AMBRA1: variants seen among roughly 807,000 people sequenced by gnomAD.
The protein encoded by AMBRA1 is activating molecule in BECN1-regulated autophagy protein 1.
Under a neutral mutation model 125.4 loss-of-function variants are expected in AMBRA1, and 47 were observed. That is an observed-to-expected ratio of 0.37 (90% confidence interval 0.30 to 0.48). The LOEUF (loss-of-function observed/expected upper bound fraction) is 0.48, where lower values mean the gene tolerates loss of function less well. Among genes scored for constraint, AMBRA1 ranks in the 20% least tolerant of loss-of-function variants. The pLI is 0.99. For missense variants in AMBRA1, 1,331 were observed against 1,693.4 expected (o/e 0.79, Z 3.76); for synonymous variants, 626 against 655.5 (o/e 0.95, Z 0.69).
At chr11:46,491,686 G>A (rs1565214097) in intron 11 of AMBRA1, among the ~76,000 whole-genome samples, 1 of 152,152 alleles carries the variant, frequency 6.6e-6, no homozygotes, top group South Asian at 2.1e-4. Flanking sequence ...AGGTTCTAGG[G>A]AGTCTAGAGT....
intron 11 of AMBRA1, among the ~76,000 whole-genome samples, chr11:46,480,644 C>G (rs1950025267): frequency 6.6e-6 from 1 of 152,110 alleles, no homozygotes; most frequent in South Asian, 2.1e-4. Flanking sequence ...TTCTTCTAGT[C>G]CAGATCTAGA....
chr11:46,491,437 T>C (rs1213056581), intron 11 of AMBRA1: 2 of 152,158 alleles, frequency 1.3e-5, no homozygotes, highest in Admixed American at 6.5e-5. Context: ...GTAAAGCACG[T>C]AAAACACTCC....
intron 11 of AMBRA1, among the ~76,000 whole-genome samples, chr11:46,444,076 C>T (rs1948156561): frequency 2.0e-5 from 3 of 152,212 alleles, no homozygotes. Flanking sequence ...CCTAATAGGA[C>T]ATCTCAAAAA....
chr11:46,564,044 T>C lies in AMBRA1; in HGVS notation c.-120-15544A>G, dbSNP rs527767331. ...CTGTAATCCCAACTACTTGGGAGGC[T>C]GAGGCAGGAGAATCGCTTCAACCCA... On this transcript the variant is annotated intron_variant, in intron 1 of 17. Coordinates refer to ENST00000683756, the MANE Select transcript of AMBRA1 (RefSeq NM_001387011.1). 4.0e-5 allele frequency among the ~76,000 whole-genome samples: 6 copies of C among 148,874 alleles called. No homozygotes were observed. The East Asian group carries it at 1.2e-3, about 30-fold the overall frequency.
intron 8 of AMBRA1, among the ~76,000 whole-genome samples, chr11:46,511,633 CT>C (rs1445810791): frequency 6.6e-6 from 1 of 152,188 alleles, no homozygotes; most frequent in Non-Finnish European, 1.5e-5. Context: ...TTGGCAAAGC[CT>C]CCTAATGTGC....
chr11:46,591,688 C>G (rs1422765746), intron 1 of AMBRA1, among the ~76,000 whole-genome samples: 1 of 151,886 alleles, frequency 6.6e-6, no homozygotes. Context: ...AACACCATCT[C>G]TACTAAAAAT....
intron 9 of AMBRA1, among the ~76,000 whole-genome samples, chr11:46,504,093 G>A (rs867414081): frequency 1.1e-4 from 17 of 152,296 alleles, no homozygotes; most frequent in African/African-American, 3.8e-4. Context: ...AGCTTCTCTA[G>A]TCTGACTGTC....
chr11:46,399,183 T>G (rs1028130131), intron 17 of AMBRA1, among the ~76,000 whole-genome samples: 4 of 152,246 alleles, frequency 2.6e-5, no homozygotes, highest in Admixed American at 1.3e-4. Flanking sequence ...CAAGCCATTC[T>G]TCCGCCTCAG....
At chr11:46,536,639 C>T (rs1203597171) in intron 7 of AMBRA1, among the ~76,000 whole-genome samples, 1 of 152,194 alleles carries the variant, frequency 6.6e-6, no homozygotes, top group Non-Finnish European at 1.5e-5. Flanking sequence ...CCCGCAGACA[C>T]CCATTTATTT....
intron 14 of AMBRA1, among the ~76,000 whole-genome samples, chr11:46,422,725 G>A (rs1228605140): frequency 6.6e-6 from 1 of 151,912 alleles, no homozygotes; most frequent in Non-Finnish European, 1.5e-5. Flanking sequence ...AGTTCAAGCA[G>A]CAAACGGCAC....
rs1159791069 is a variant in AMBRA1, at chr11:46,531,494, G to A, written c.2072+10451C>T. On this transcript the variant is annotated intron_variant, in intron 7 of 17. Transcript: ENST00000683756. ...GGAGGCCAAGGTGGGCGGATCATCT[G>A]AGGTCAGGAGTTCAAGACCAGCCCA... 2.0e-5 allele frequency among the ~76,000 whole-genome samples: 3 copies of A among 151,940 alleles called. No homozygotes were observed. In the East Asian group the frequency reaches 5.9e-4, roughly 30 times the overall value.
chr11:46,434,754 A>T, intron 13 of AMBRA1, 95 bp downstream of exon 13: 3 of 1,310,326 alleles, frequency 2.3e-6, no homozygotes, highest in Non-Finnish European at 3.1e-6. Context: ...GCAGTATGTG[A>T]CCATTACTCC....
chr11:46,592,377 C>G, intron 1 of AMBRA1, among the ~76,000 whole-genome samples: 1 of 152,144 alleles, frequency 6.6e-6, no homozygotes, highest in Non-Finnish European at 1.5e-5. Context: ...AAAGCGTTAA[C>G]CTTTCATTTA....
Position 46,420,020 on chromosome 11 carries a change from A to ACACACACACACACACACACACACACT in AMBRA1, c.2977-1969_2977-1968insAGTGTGTGTGTGTGTGTGTGTGTGTG, listed in dbSNP as rs1300199196. On this transcript the variant is annotated intron_variant, in intron 14 of 17. Transcript: ENST00000683756. ...TACACACACACACACACACACACAC[A>ACACACACACACACACACACACACACT]CTCTTCCAGGTGTTGTGGTGCTGAG... 3.3e-5 allele frequency among the ~76,000 whole-genome samples: 5 copies of ACACACACACACACACACACACACACT among 151,452 alleles called. No individual in the cohort carries two copies. In the South Asian group the frequency reaches 6.3e-4, roughly 19 times the overall value.
chr11:46,418,042 T>C lies in AMBRA1; in HGVS notation c.2987A>G (p.Asn996Ser), dbSNP rs774543774. 25 of 1,597,130 alleles carry C rather than the reference T, an allele frequency of 1.6e-5. 1 individual carries two copies. Among genetic ancestry groups the C allele is most frequent in the African/African-American group, 2.7e-5 (2 of 74,376 alleles). ...GGETSMRRVF[N>S]VLYPMPADQR... ...GTCGGCAGGCATGGGATAAAGGACG[T>C]TGAAAACTCTCTAGGTAGAGGAAAA... The change falls in exon 15 of 18, where the codon AAC becomes AGC. Residue 996 changes from asparagine (N) to serine (S), a missense_variant. Asn to Ser is a conservative substitution (Grantham distance 46, BLOSUM62 1). Transcript: ENST00000683756.
intron 7 of AMBRA1, among the ~76,000 whole-genome samples, chr11:46,535,816 C>G (rs902058300): frequency 6.6e-6 from 1 of 152,100 alleles, no homozygotes; most frequent in Admixed American, 6.6e-5. Context: ...GCATATGATG[C>G]CAGTGCTCTC....
At chr11:46,417,497 A>T (rs1010119993) in intron 15 of AMBRA1, among the ~76,000 whole-genome samples, 2 of 152,298 alleles carry the variant, frequency 1.3e-5, no homozygotes, top group Non-Finnish European at 2.9e-5. Context: ...TTTCAACAAT[A>T]CCTATTTCCA....
intron 11 of AMBRA1, chr11:46,491,109 T>C (rs1423504203): frequency 6.6e-6 from 1 of 152,180 alleles, no homozygotes; most frequent in Non-Finnish European, 1.5e-5. Context: ...CAAGCACCAC[T>C]GGATCATAAA....
intron 9 of AMBRA1, among the ~76,000 whole-genome samples, chr11:46,499,170 C>T (rs939609453): frequency 1.3e-5 from 2 of 152,192 alleles, no homozygotes; most frequent in African/African-American, 2.4e-5. Context: ...AATTCCTCTC[C>T]TCCCTTATGT....
Sources: allele counts gnomAD v4.1 joint callset (sites outside exome capture counted in the v4.1 genomes callset), GRCh38; gene constraint gnomAD v4.1.1; transcripts MANE v1.5; gene names NCBI Gene and HGNC (gene_info 2026-07-23, HGNC 2026-07-21).